The following LIN54 variants were observed in gnomAD, a reference collection of about 807,000 sequenced individuals.
LIN54 encodes the protein protein lin-54 homolog.
LIN54 carries 9 observed loss-of-function variants against 78.7 expected under a neutral mutation model. The observed-to-expected ratio is 0.11, with a 90% confidence interval of 0.07 to 0.20. The LOEUF (loss-of-function observed/expected upper bound fraction) is 0.20, where lower values mean the gene tolerates loss of function less well. Ranked by LOEUF, LIN54 falls within the 10% of genes least tolerant of loss-of-function variation. The pLI is 1.00. For synonymous variants in LIN54, 269 were observed against 318.4 expected (o/e 0.84, Z 1.65); for missense variants, 573 against 889.9 (o/e 0.64, Z 4.53).
At chr4:83,010,905 C>T, upstream of LIN54, 1 of 1,086,262 alleles carries the variant, frequency 9.2e-7, no homozygotes, top group Non-Finnish European at 1.2e-6. Context: ...AGCCTCCCGC[C>T]GCCCCGCCAA....
intron 3 of LIN54, among the ~76,000 whole-genome samples, chr4:82,976,707 T>TA (rs1434309880): frequency 3.3e-5 from 5 of 151,824 alleles, no homozygotes; most frequent in East Asian, 1.9e-4. Flanking sequence ...GACTCCGTCT[T>TA]AAAAAAAAGA....
At chr4:82,935,449 C>T (rs1421478606) in intron 11 of LIN54, among the ~76,000 whole-genome samples, 5 of 151,624 alleles carry the variant, frequency 3.3e-5, no homozygotes, top group African/African-American at 7.3e-5. Flanking sequence ...CCACCATGCC[C>T]GGCTAATTTT....
Position 83,000,612 on chromosome 4 carries a change from TG to T in LIN54, c.-33+9871del, listed in dbSNP as rs1329921592. On this transcript the variant is annotated intron_variant, in intron 1 of 12. Coordinates refer to ENST00000340417, the MANE Select transcript of LIN54 (RefSeq NM_194282.4). ...GTTTTCAACACTGAAGGCATCAACA[TG>T]GTCTGCTTGCCCCCAAATACAGCAT... is the stretch of plus-strand genomic sequence containing the variant. Among the ~76,000 whole-genome samples, 12 of 152,300 alleles carry T rather than the reference TG, an allele frequency of 7.9e-5. No homozygotes were observed. In the South Asian group the frequency reaches 2.3e-3, roughly 29 times the overall value.
intron 1 of LIN54, among the ~76,000 whole-genome samples, chr4:82,986,162 C>CT (rs1441172428): frequency 6.6e-6 from 1 of 152,100 alleles, no homozygotes; most frequent in Admixed American, 6.5e-5. Context: ...GTTACCCAGG[C>CT]TGGAGTGCAG....
At chr4:82,947,229 A>ATTTTTT (rs1263368630) in intron 4 of LIN54, among the ~76,000 whole-genome samples, 20 of 20,642 alleles carry the variant, frequency 9.7e-4, no homozygotes, top group African/African-American at 2.9e-3. Context: ...ATATATATAT[A>ATTTTTT]TATATATTTT....
chr4:82,993,218 C>CTTTTT (rs200555092), intron 1 of LIN54, among the ~76,000 whole-genome samples: 4 of 128,280 alleles, frequency 3.1e-5, no homozygotes, highest in African/African-American at 6.0e-5. Context: ...TTTCTAGAAT[C>CTTTTT]TTTTTTTTTT....
chr4:82,968,806 G>C (rs984946241), intron 4 of LIN54, among the ~76,000 whole-genome samples: 2 of 152,078 alleles, frequency 1.3e-5, no homozygotes, highest in Non-Finnish European at 2.9e-5. Flanking sequence ...AATGCCACAA[G>C]ATTCGTATTT....
At chr4:83,000,569 A>T (rs1292081482) in intron 1 of LIN54, among the ~76,000 whole-genome samples, 1 of 152,214 alleles carries the variant, frequency 6.6e-6, no homozygotes, top group African/African-American at 2.4e-5. Flanking sequence ...CAATGCTCCC[A>T]GCCACTCAGA....
intron 2 of LIN54, among the ~76,000 whole-genome samples, chr4:82,979,939 C>CAAAACAAAAAAAAAA (rs1726489285): frequency 2.0e-5 from 1 of 49,872 alleles, no homozygotes; most frequent in Non-Finnish European, 3.5e-5. Context: ...GACTCTGTCT[C>CAAAACAAAAAAAAAA]AAAAAAAAAA....
chr4:82,945,256 C>T (rs1723263545), intron 5 of LIN54, among the ~76,000 whole-genome samples: 2 of 152,196 alleles, frequency 1.3e-5, no homozygotes, highest in African/African-American at 4.8e-5. Flanking sequence ...CCATCAACTG[C>T]TTCTTGACAT....
At chr4:82,930,069 T>C (rs993537345) in intron 12 of LIN54, among the ~76,000 whole-genome samples, 7 of 152,056 alleles carry the variant, frequency 4.6e-5, no homozygotes, top group Admixed American at 1.3e-4. Flanking sequence ...AGCTAATTTT[T>C]TGTATTTTTA....
At position 82,942,887 on chromosome 4, in the gene LIN54, CACA is replaced by C. The variant is rs758328639; in HGVS notation, c.1169-2928_1169-2926del. 7.2e-3 allele frequency among the ~76,000 whole-genome samples: 1,093 copies of C among 151,292 alleles called. 10 individuals carry two copies. Among genetic ancestry groups the C allele is most frequent in the Middle Eastern group, 0.027 (8 of 294 alleles). ...ACACACACACACACACACACACACA[CACA>C]CACCCTCCCTCCCTCCCTGGCCCGG... On this transcript the variant is annotated intron_variant, in intron 5 of 12. Coordinates refer to ENST00000340417, the MANE Select transcript of LIN54 (RefSeq NM_194282.4).
chr4:83,004,398 CA>C (rs34722830), intron 1 of LIN54, among the ~76,000 whole-genome samples: 40,618 of 100,520 alleles, frequency 0.4, 6,786 homozygotes, highest in Admixed American at 0.55. Context: ...GACTCCGTTG[CA>C]AAAAAAAAAA....
intron 4 of LIN54, among the ~76,000 whole-genome samples, chr4:82,953,222 C>T (rs560227411): frequency 1.3e-5 from 2 of 152,112 alleles, no homozygotes; most frequent in Non-Finnish European, 2.9e-5. Context: ...CTCGTGGGCT[C>T]AAGCAACCCT....
At chr4:82,962,564 G>A (rs1323378326) in intron 4 of LIN54, among the ~76,000 whole-genome samples, 3 of 151,830 alleles carry the variant, frequency 2.0e-5, no homozygotes, top group Non-Finnish European at 4.4e-5. Context: ...AACAGATAAT[G>A]AATATAAAAG....
intron 4 of LIN54, among the ~76,000 whole-genome samples, chr4:82,969,735 T>C (rs1192772557): frequency 1.3e-5 from 2 of 152,210 alleles, no homozygotes; most frequent in Admixed American, 6.5e-5. Context: ...TTAAAACATA[T>C]CTTTTTCAAA....
chr4:82,969,616 G>A (rs775320687), intron 4 of LIN54, among the ~76,000 whole-genome samples: 8 of 152,136 alleles, frequency 5.3e-5, no homozygotes, highest in Non-Finnish European at 1.0e-4. Context: ...TTTATGAACA[G>A]TAACAAATCA....
chr4:82,952,742 A>G (rs542278260), intron 4 of LIN54, among the ~76,000 whole-genome samples: 38 of 152,220 alleles, frequency 2.5e-4, no homozygotes, highest in Non-Finnish European at 4.3e-4. Context: ...GCCTAATCAA[A>G]ATACAGTGCA....
At position 82,938,486 on chromosome 4, in the gene LIN54, C is replaced by A. The variant is rs1305496598; in HGVS notation, c.1459G>T (p.Val487Leu). 4 of 1,604,052 alleles carry A rather than the reference C, an allele frequency of 2.5e-6. No homozygotes were observed. The highest frequency in any genetic ancestry group is 3.4e-6 in the Non-Finnish European group (4 of 1,171,106). Residue 487 changes from valine (V) to leucine (L), a missense_variant, in exon 8 of 13, where the codon GTA (valine) becomes TTA (leucine). Val to Leu is a conservative substitution (Grantham distance 32). Transcript: ENST00000340417. ...YVTQLQQSSY[V>L]SIASNSTFTG... ...AAGGTAGAGTTGCTTGCTATTGATA[C>A]ATATGAAGACTGCTGTAGCTACATG...
Sources: allele counts gnomAD v4.1 joint callset (sites outside exome capture counted in the v4.1 genomes callset), GRCh38; gene constraint gnomAD v4.1.1; transcripts MANE v1.5; gene names NCBI Gene and HGNC (gene_info 2026-07-23, HGNC 2026-07-21).